KCNIP2: variants seen among roughly 807,000 people sequenced by gnomAD.
KCNIP2 encodes potassium voltage-gated channel interacting protein 2, also known as A-type potassium channel modulatory protein KCNIP2.
KCNIP2 carries 19 observed loss-of-function variants against 39.0 expected under a neutral mutation model. The observed-to-expected ratio is 0.49, with a 90% CI of 0.34 to 0.71. The LOEUF (loss-of-function observed/expected upper bound fraction) is 0.71. KCNIP2 is among the 30% of genes least tolerant of loss of function. The pLI is 0.01. For synonymous variants in KCNIP2, 111 were observed against 131.2 expected, an observed-to-expected ratio of 0.85 and a Z score of 1.05; for missense variants, 261 against 346.0, an observed-to-expected ratio of 0.75 and a Z score of 1.95.
chr10:101,839,943 C>T, intron 1 of KCNIP2: 3 of 1,148,080 alleles, frequency 2.6e-6, no homozygotes, highest in South Asian at 1.6e-5. Context: ...GCGGGAGGGC[C>T]GGCCCGGCAG....
chr10:101,835,881 G>A (rs2066138961), intron 1 of KCNIP2, among the ~76,000 whole-genome samples: 2 of 152,324 alleles, frequency 1.3e-5, no homozygotes, highest in East Asian at 3.9e-4. Flanking sequence ...ATTACAGGTG[G>A]TGAAACTAAG....
intron 1 of KCNIP2, among the ~76,000 whole-genome samples, chr10:101,831,587 T>C (rs2065993943): frequency 6.6e-6 from 1 of 152,128 alleles, no homozygotes; most frequent in Non-Finnish European, 1.5e-5. Context: ...ATCACAGTGA[T>C]GGGTGCCAGT....
At chr10:101,827,631 C>A in intron 9 of KCNIP2, 58 bp downstream of exon 9, 1 of 1,588,278 alleles carries the variant, frequency 6.3e-7, no homozygotes, top group Non-Finnish European at 8.6e-7. Flanking sequence ...CTTTTCCCTG[C>A]ATTACTAAAT....
intron 1 of KCNIP2, among the ~76,000 whole-genome samples, chr10:101,834,106 T>G (rs2066074958): frequency 6.6e-6 from 1 of 151,898 alleles, no homozygotes; most frequent in Non-Finnish European, 1.5e-5. Flanking sequence ...TCCCAGATGT[T>G]GTATCCCCCA....
intron 1 of KCNIP2, among the ~76,000 whole-genome samples, chr10:101,839,131 C>A (rs1168967469): frequency 6.6e-6 from 1 of 152,170 alleles, no homozygotes; most frequent in South Asian, 2.1e-4. Flanking sequence ...GTGATCACAA[C>A]CCCAGGGAGA....
At chr10:101,829,441 C>T in intron 3 of KCNIP2, 1 of 523,172 alleles carries the variant, frequency 1.9e-6, no homozygotes, top group Non-Finnish European at 3.3e-6. Flanking sequence ...CGACTCAGTG[C>T]TCGCCCCGCG....
In KCNIP2 at chr10:101,827,150, A is replaced by C; in HGVS notation, c.*203T>G. Reference sequence around the variant, plus strand: ...GGGTGAGAGCTGGTGGGAGTTGGGAACACCCCCCGAGATGCACTCTGCCCA... The same window carrying C: ...GGGTGAGAGCTGGTGGGAGTTGGGACCACCCCCCGAGATGCACTCTGCCCA... On this transcript the variant is annotated 3_prime_UTR_variant, in exon 10 of 10. Transcript: ENST00000356640. The C allele has an allele frequency of 8.1e-7, 1 of 1,233,054 alleles. No individual in the cohort carries two copies. The allele number at this position is 1,233,054 out of a possible 1,614,324, so 76.4% of individuals were successfully genotyped here.
chr10:101,832,229 C>T (rs2135163750), intron 1 of KCNIP2, among the ~76,000 whole-genome samples: 1 of 152,210 alleles, frequency 6.6e-6, no homozygotes, highest in African/African-American at 2.4e-5. Context: ...TCCCCTTCCC[C>T]TCTTCTCCCT....
intron 1 of KCNIP2, among the ~76,000 whole-genome samples, chr10:101,831,728 C>A (rs1373372384): frequency 6.6e-6 from 1 of 152,144 alleles, no homozygotes; most frequent in Admixed American, 6.5e-5. Flanking sequence ...GATGCATACA[C>A]ATGGAGACCC....
chr10:101,836,385 C>A (rs151009704), intron 1 of KCNIP2, among the ~76,000 whole-genome samples: 1 of 149,030 alleles, frequency 6.7e-6, no homozygotes, highest in Non-Finnish European at 1.5e-5. Flanking sequence ...GGATTACAGG[C>A]GTGCACCACC....
Position 101,826,906 on chromosome 10 carries a change from G to GCT in KCNIP2, c.*446_*447insAG. 6.3e-6 allele frequency: 1 copy of GCT among 157,612 alleles called. No homozygotes were observed. Among genetic ancestry groups the GCT allele is most frequent in the Non-Finnish European group, 1.4e-5 (1 of 71,492 alleles). The allele number at this position is 157,612 out of a possible 1,614,324, so 9.8% of individuals were successfully genotyped here. ...ATACATTCTTGTCCCCCTCCCACAG[G>GCT]GCTCTCAATGGCTGGTCTGAGAAGC... is the stretch of plus-strand genomic sequence containing the variant. On this transcript the variant is annotated 3_prime_UTR_variant, in exon 10 of 10. Transcript: ENST00000356640.
At chr10:101,827,835 C>T in intron 8 of KCNIP2, 54 bp downstream of exon 8, 2 of 1,547,422 alleles carry the variant, frequency 1.3e-6, no homozygotes, top group South Asian at 1.1e-5. Flanking sequence ...CCTGCTGGTT[C>T]TTGGCCTTCT....
In KCNIP2 at chr10:101,838,194, T is replaced by C. The variant is rs2066220563; in HGVS notation, c.73+5302A>G. On this transcript the variant is annotated intron_variant, in intron 1 of 9. Transcript: ENST00000356640. The surrounding 1 kb of genome is among the most constrained non-coding windows in gnomAD (Gnocchi z 4.0). Reference sequence around the variant, plus strand: ...ATCCCTGTGCCACGAATTTAGCTCTTCACTCAAAGTAAAATCTCTGTGGAA... The same window carrying C: ...ATCCCTGTGCCACGAATTTAGCTCTCCACTCAAAGTAAAATCTCTGTGGAA... Among the ~76,000 whole-genome samples, 2 of 152,226 alleles carry C rather than the reference T, an allele frequency of 1.3e-5. No homozygotes were observed. The highest frequency in any genetic ancestry group is 1.3e-4 in the Admixed American group (2 of 15,288).
chr10:101,843,178 T>TGC lies in KCNIP2; in HGVS notation c.73+316_73+317dup, dbSNP rs200398953. Among the ~76,000 whole-genome samples the TGC allele has an allele frequency of 2.8e-3, 424 of 150,568 alleles. 4 individuals are homozygous for TGC. Among genetic ancestry groups the TGC allele is most frequent in the African/African-American group, 9.4e-3 (382 of 40,692 alleles). On this transcript the variant is annotated intron_variant, in intron 1 of 9. Coordinates refer to ENST00000356640, the MANE Select transcript of KCNIP2 (RefSeq NM_173191.3). This position sits in a 1 kb window ranked among gnomAD's most constrained non-coding sequence, Gnocchi z 6.7. ...GCACATGGCAACCAGCTGTGGGAGGTGCGCGCGCACACACACACACACACA... is the reference window on the plus strand; with the variant it reads ...GCACATGGCAACCAGCTGTGGGAGGTGCGCGCGCGCACACACACACACACACA...
At position 101,843,670 on chromosome 10, in the gene KCNIP2, G is replaced by A. The variant is rs993468610; in HGVS notation, c.-102C>T. The A allele has an allele frequency of 7.0e-5, 41 of 583,322 alleles. No individual in the cohort carries two copies. Among genetic ancestry groups the A allele is most frequent in the Middle Eastern group, 5.0e-4 (1 of 1,990 alleles). 36.1% of individuals were successfully genotyped at this position (583,322 alleles called of 1,614,324 possible). On this transcript the variant is annotated 5_prime_UTR_variant, in exon 1 of 10. Coordinates refer to ENST00000356640, the MANE Select transcript of KCNIP2 (RefSeq NM_173191.3). This position sits in a 1 kb window ranked among gnomAD's most constrained non-coding sequence, Gnocchi z 6.7. ...CCCCTGGCGGCCTACTGTGCTGTCGGGGCTGGGGAAGTCCGGGCTGAGGCT... is the reference window on the plus strand; with the variant it reads ...CCCCTGGCGGCCTACTGTGCTGTCGAGGCTGGGGAAGTCCGGGCTGAGGCT...
intron 1 of KCNIP2, among the ~76,000 whole-genome samples, chr10:101,841,093 CTG>C (rs1489445184): frequency 6.6e-6 from 1 of 152,212 alleles, no homozygotes; most frequent in Non-Finnish European, 1.5e-5. Context: ...GGGGCTCGGA[CTG>C]TTTTTTGTTT....
chr10:101,840,630 A>G (rs1360204887), intron 1 of KCNIP2, among the ~76,000 whole-genome samples: 2 of 144,410 alleles, frequency 1.4e-5, no homozygotes, highest in African/African-American at 5.2e-5. Context: ...CCAAGTAAAC[A>G]CTTCCAGGAC....
At chr10:101,830,943 G>A in intron 2 of KCNIP2, 129 bp downstream of exon 2, 1 of 848,372 alleles carries the variant, frequency 1.2e-6, no homozygotes, top group Non-Finnish European at 1.9e-6. Flanking sequence ...CCTGGGGCAC[G>A]CCCCCCCACA....
At chr10:101,831,267 C>A in intron 1 of KCNIP2, 100 bp from the exon 2 acceptor site, 2 of 933,380 alleles carry the variant, frequency 2.1e-6, no homozygotes, top group South Asian at 1.6e-5. Flanking sequence ...ATCTGGGGAC[C>A]GGGCTGGGGG....
Sources: allele counts gnomAD v4.1 joint callset (sites outside exome capture counted in the v4.1 genomes callset), GRCh38; gene constraint gnomAD v4.1.1; non-coding constraint Gnocchi (gnomAD v3.1); transcripts MANE v1.5; gene names NCBI Gene and HGNC (gene_info 2026-07-23, HGNC 2026-07-21).